PTPN2: variants seen among roughly 807,000 people sequenced by gnomAD.
PTPN2 encodes the protein protein tyrosine phosphatase non-receptor type 2, also known as tyrosine-protein phosphatase non-receptor type 2.
In PTPN2, 19 loss-of-function variants were observed where a neutral mutation model predicts 57.3. That is an observed-to-expected ratio of 0.33 (90% CI 0.23 to 0.49). The LOEUF (loss-of-function observed/expected upper bound fraction) is 0.49, where lower values mean the gene tolerates loss of function less well. PTPN2 is among the 20% of genes least tolerant of loss of function. PTPN2 has a pLI of 0.99. For synonymous variants in PTPN2, 153 were observed against 164.9 expected (o/e 0.93, Z 0.55); for missense variants, 358 against 501.1 (o/e 0.71, Z 2.73).
rs1233162492 is a variant in PTPN2, at chr18:12,870,437, ATGTG to A, written c.70-11187_70-11184del. Among the ~76,000 whole-genome samples, 145 of 26,510 alleles carry A rather than the reference ATGTG, an allele frequency of 5.5e-3. 6 individuals carry two copies. The highest frequency in any genetic ancestry group is 0.031 in the African/African-American group (106 of 3,452). The allele number at this position is 26,510 out of a possible 152,430, so 17.4% of individuals were successfully genotyped here. ...TATGTATATATATACGTATATATATATGTGTATATATATATATATATATATAGAG... is the reference window on the plus strand; with the variant it reads ...TATGTATATATATACGTATATATATATATATATATATATATATATATAGAG... On this transcript the variant is annotated intron_variant, in intron 1 of 8. Coordinates refer to ENST00000309660, the MANE Select transcript of PTPN2 (RefSeq NM_002828.4).
chr18:12,826,022 A>C, intron 4 of PTPN2, 78 bp from the exon 5 acceptor site: 3 of 1,204,596 alleles, frequency 2.5e-6, no homozygotes, highest in South Asian at 3.1e-5. Flanking sequence ...AATGAAAACA[A>C]ACCAGATATA....
chr18:12,826,354 G>A (rs1030677141), intron 4 of PTPN2, among the ~76,000 whole-genome samples: 14 of 152,120 alleles, frequency 9.2e-5, no homozygotes, highest in African/African-American at 3.4e-4. Flanking sequence ...AGTGAGCCAA[G>A]ATCATTCCAC....
intron 1 of PTPN2, among the ~76,000 whole-genome samples, chr18:12,883,090 G>C (rs777380050): frequency 5.6e-4 from 86 of 152,294 alleles, no homozygotes; most frequent in Middle Eastern, 3.4e-3. Flanking sequence ...GGCACGATTA[G>C]GGCGATAGGC....
chr18:12,792,471 AGGG>A lies in PTPN2; in HGVS notation c.*1804_*1806del. ...ATAATTTTTGTATTTTTAGTAAAGA[AGGG>A]ATTTCACCATGTTGGCCAGGACAGT... is the stretch of plus-strand genomic sequence containing the variant. On this transcript the variant is annotated 3_prime_UTR_variant, in exon 9 of 9. Transcript: ENST00000309660. 1 of 154,662 alleles carries A rather than the reference AGGG, an allele frequency of 6.5e-6. No individual in the cohort carries two copies. Among genetic ancestry groups the A allele is most frequent in the Non-Finnish European group, 1.4e-5 (1 of 70,504 alleles). 9.6% of individuals were successfully genotyped at this position (154,662 alleles called of 1,614,324 possible). A position where few individuals can be genotyped will look rare whatever the true frequency, so the allele number is the denominator to read the frequency against.
intron 7 of PTPN2, among the ~76,000 whole-genome samples, chr18:12,808,015 C>T (rs534358795): frequency 6.6e-6 from 1 of 151,892 alleles, no homozygotes; most frequent in Non-Finnish European, 1.5e-5. Flanking sequence ...GAGACCCAGT[C>T]TCTACAAAAA....
chr18:12,830,438 C>CAA (rs1248626183), intron 4 of PTPN2, among the ~76,000 whole-genome samples: 1 of 152,090 alleles, frequency 6.6e-6, no homozygotes, highest in African/African-American at 2.4e-5. Context: ...TGGCCTAATC[C>CAA]TTAATTTTTA....
chr18:12,854,458 G>C (rs2043514066), intron 2 of PTPN2, among the ~76,000 whole-genome samples: 1 of 152,088 alleles, frequency 6.6e-6, no homozygotes, highest in Non-Finnish European at 1.5e-5. Flanking sequence ...GGAAGAATCT[G>C]TTTCTGGCTT....
At chr18:12,848,838 T>C (rs2043298726) in intron 2 of PTPN2, among the ~76,000 whole-genome samples, 1 of 152,268 alleles carries the variant, frequency 6.6e-6, no homozygotes, top group African/African-American at 2.4e-5. Flanking sequence ...AAAACTTTTA[T>C]ACTTTTATTC....
chr18:12,840,877 C>T (rs925861560), intron 2 of PTPN2: 22 of 1,572,640 alleles, frequency 1.4e-5, no homozygotes, highest in African/African-American at 2.7e-5. Flanking sequence ...ACTTCTGTGC[C>T]GATGCAGTCC....
At chr18:12,869,552 CAAAT>C (rs1211434705) in intron 1 of PTPN2, among the ~76,000 whole-genome samples, 1 of 152,114 alleles carries the variant, frequency 6.6e-6, no homozygotes, top group Non-Finnish European at 1.5e-5. Flanking sequence ...TAAATAATGT[CAAAT>C]AATATTTTTA....
At chr18:12,798,398 T>TC (rs2041274971) in intron 8 of PTPN2, among the ~76,000 whole-genome samples, 1 of 152,044 alleles carries the variant, frequency 6.6e-6, no homozygotes, top group African/African-American at 2.4e-5. Context: ...TTCCTGATTG[T>TC]CCCCCTCCTC....
intron 2 of PTPN2, among the ~76,000 whole-genome samples, chr18:12,838,806 A>G (rs776250458): frequency 1.3e-5 from 2 of 152,192 alleles, no homozygotes; most frequent in Non-Finnish European, 2.9e-5. Context: ...TTTCTTCTCA[A>G]GGCTGATTAA....
Position 12,870,380 on chromosome 18 carries a change from TATACGTATATATGTATATATAC to T in PTPN2, c.70-11148_70-11127del. On this transcript the variant is annotated intron_variant, in intron 1 of 8. Coordinates refer to ENST00000309660, the MANE Select transcript of PTPN2 (RefSeq NM_002828.4). ...ATATATATGTGTATATATACATATATATACGTATATATGTATATATACACGTATATATATGTATATATATACG... is the reference window on the plus strand; with the variant it reads ...ATATATATGTGTATATATACATATATACGTATATATATGTATATATATACG... 2.9e-5 allele frequency among the ~76,000 whole-genome samples: 2 copies of T among 67,986 alleles called. 1 individual carries two copies. Among genetic ancestry groups the T allele is most frequent in the African/African-American group, 2.0e-4 (2 of 9,970 alleles). The allele number at this position is 67,986 out of a possible 152,430, so 44.6% of individuals were successfully genotyped here.
At position 12,794,119 on chromosome 18, in the gene PTPN2, G is replaced by C; in HGVS notation, c.*159C>G. The C allele has an allele frequency of 3.5e-6, 5 of 1,447,650 alleles. No homozygotes were observed. The highest frequency in any genetic ancestry group is 4.5e-6 in the Non-Finnish European group (5 of 1,106,062). 89.7% of individuals were successfully genotyped at this position (1,447,650 alleles called of 1,614,324 possible). The stretch of plus-strand genomic sequence containing the variant: ...AGAGGAACCTGCAGTCAAGAGTCCT[G>C]AGATGTTGGGCTTGTGACTGTAAAT... On this transcript the variant is annotated 3_prime_UTR_variant, in exon 9 of 9. Transcript: ENST00000309660.
At chr18:12,813,193 T>G (rs758934936) in intron 7 of PTPN2, among the ~76,000 whole-genome samples, 1 of 152,180 alleles carries the variant, frequency 6.6e-6, no homozygotes, top group Admixed American at 6.5e-5. Context: ...CAGATTTAAG[T>G]TGGTGAAAGC....
intron 2 of PTPN2, among the ~76,000 whole-genome samples, chr18:12,858,675 A>C (rs555199721): frequency 6.6e-6 from 1 of 152,326 alleles, no homozygotes; most frequent in Admixed American, 6.5e-5. Flanking sequence ...AAAGAATATA[A>C]ACCCAAGTTA....
At chr18:12,870,319 GTGTATATATA>G (rs1425189008) in intron 1 of PTPN2, among the ~76,000 whole-genome samples, 13 of 36,224 alleles carry the variant, frequency 3.6e-4, no homozygotes, top group Admixed American at 2.7e-3. Flanking sequence ...ACATATATAT[GTGTATATATA>G]TGTATATATA....
chr18:12,870,454 TATATATATAGAGAGAGAGAG>T lies in PTPN2; in HGVS notation c.70-11220_70-11201del, dbSNP rs1428893463. On this transcript the variant is annotated intron_variant, in intron 1 of 8. Coordinates refer to ENST00000309660, the MANE Select transcript of PTPN2 (RefSeq NM_002828.4). ...ATATATATATGTGTATATATATATA[TATATATATAGAGAGAGAGAG>T]AGAGAGAGAGAGAGAGAGAGAGAGA... is the stretch of plus-strand genomic sequence containing the variant. 1.4e-4 allele frequency among the ~76,000 whole-genome samples: 6 copies of T among 44,326 alleles called. 1 individual carries two copies. Among genetic ancestry groups the T allele is most frequent in the Non-Finnish European group, 2.1e-4 (6 of 27,960 alleles). The allele number at this position is 44,326 out of a possible 152,430, so 29.1% of individuals were successfully genotyped here. A position where few individuals can be genotyped will look rare whatever the true frequency, so the allele number is the denominator to read the frequency against.
At chr18:12,836,647 C>G in intron 3 of PTPN2, 144 bp downstream of exon 3, 1 of 591,962 alleles carries the variant, frequency 1.7e-6, no homozygotes, top group Non-Finnish European at 3.0e-6. Flanking sequence ...CTTATAATGT[C>G]CATAATTCAT....
Sources: gnomAD v4.1 joint callset for allele counts (sites outside exome capture counted in the v4.1 genomes callset) on GRCh38, gnomAD v4.1.1 for gene constraint, MANE v1.5 for transcripts, NCBI Gene and HGNC (gene_info 2026-07-23, HGNC 2026-07-21) for gene names.